Variants in ICA1 observed in about 807,000 individuals in gnomAD.
ICA1 encodes 69 kDa islet cell autoantigen.
A neutral mutation model predicts 71.0 loss-of-function variants in ICA1; 40 were observed. The observed-to-expected ratio is 0.56, with a 90% CI of 0.44 to 0.73. ICA1 has a LOEUF of 0.73. ICA1 is among the 30% of genes least tolerant of loss of function. ICA1 has a pLI of 0.00. For missense variants in ICA1, 578 were observed against 576.5 expected (o/e 1.00, Z -0.03); for synonymous variants, 207 against 209.5 (o/e 0.99, Z 0.10).
intron 6 of ICA1, among the ~76,000 whole-genome samples, chr7:8,162,276 C>T (rs1390100147): frequency 6.6e-6 from 1 of 152,176 alleles, no homozygotes; most frequent in East Asian, 1.9e-4. Flanking sequence ...AAGACAACTT[C>T]AACACTTGAC....
At chr7:8,229,314 G>A (rs1036583995) in intron 3 of ICA1, among the ~76,000 whole-genome samples, 7 of 152,160 alleles carry the variant, frequency 4.6e-5, no homozygotes, top group Admixed American at 1.3e-4. Context: ...CCATACTAGC[G>A]GAAACTGGGG....
At chr7:8,247,470 A>G (rs1806475719) in intron 1 of ICA1, among the ~76,000 whole-genome samples, 1 of 151,462 alleles carries the variant, frequency 6.6e-6, no homozygotes, top group African/African-American at 2.4e-5. Context: ...AAAAAAGAAA[A>G]GAAAAAAGAA....
chr7:8,124,708 C>A (rs1464415263), intron 13 of ICA1, among the ~76,000 whole-genome samples: 1 of 152,130 alleles, frequency 6.6e-6, no homozygotes, highest in Non-Finnish European at 1.5e-5. Flanking sequence ...TTCCTCCTAT[C>A]ATTTCAGTTC....
At chr7:8,179,811 A>C (rs925359740) in intron 6 of ICA1, among the ~76,000 whole-genome samples, 1 of 151,838 alleles carries the variant, frequency 6.6e-6, no homozygotes, top group Non-Finnish European at 1.5e-5. Context: ...GGGCTGGGAG[A>C]TATATGTATG....
At chr7:8,169,142 T>A (rs1006209150) in intron 6 of ICA1, among the ~76,000 whole-genome samples, 1 of 152,172 alleles carries the variant, frequency 6.6e-6, no homozygotes, top group Admixed American at 6.6e-5. Flanking sequence ...GTGGCTGGAT[T>A]CTTTCACTCA....
chr7:8,237,900 C>G lies in ICA1; in HGVS notation c.-79-1895G>C, dbSNP rs532421700. Among the ~76,000 whole-genome samples the G allele has an allele frequency of 2.0e-5, 3 of 152,064 alleles. No homozygotes were observed. The South Asian group carries it at 6.2e-4, about 32-fold the overall frequency. ...TGTCAATGGATATTTAGGTTGCTTT[C>G]ACATCTTGGCTATTGGGAATAATGC... On this transcript the variant is annotated intron_variant, in intron 1 of 13. Transcript: ENST00000402384.
At chr7:8,244,103 C>T (rs960450728) in intron 1 of ICA1, among the ~76,000 whole-genome samples, 12 of 152,212 alleles carry the variant, frequency 7.9e-5, no homozygotes, top group Non-Finnish European at 1.5e-4. Flanking sequence ...ATTGCCAAGA[C>T]AATCCTGGGC....
intron 6 of ICA1, among the ~76,000 whole-genome samples, chr7:8,182,518 C>T (rs1007838036): frequency 2.6e-5 from 4 of 152,146 alleles, no homozygotes; most frequent in African/African-American, 9.7e-5. Flanking sequence ...AGTCATTAAA[C>T]CAACCATTGG....
rs545601914 is a variant in ICA1 at position 8,130,958 on chromosome 7, G to C, written c.1061-2816C>G. On this transcript the variant is annotated intron_variant, in intron 12 of 13. Coordinates refer to ENST00000402384, the MANE Select transcript of ICA1 (RefSeq NM_001136020.3). This position sits in a 1 kb window ranked among gnomAD's most constrained non-coding sequence, Gnocchi z 4.2. ...CTTCTCCATGTGATCCTGGTGAGAT[G>C]CCTCTGGAAATGACTCCTTACCCTC... Among the ~76,000 whole-genome samples the C allele has an allele frequency of 4.9e-4, 75 of 152,246 alleles. No homozygotes were observed. The highest frequency in any genetic ancestry group is 1.7e-3 in the African/African-American group (71 of 41,516).
At position 8,154,893 on chromosome 7, in the gene ICA1, G is replaced by A. The variant is rs146771572; in HGVS notation, c.804+2223C>T. Among the ~76,000 whole-genome samples, 425 of 152,258 alleles carry A rather than the reference G, an allele frequency of 2.8e-3. 2 individuals carry two copies. Among genetic ancestry groups the A allele is most frequent in the African/African-American group, 9.3e-3 (387 of 41,546 alleles). ...TATCGATCTAATAGTGAGTTGTATC[G>A]TAACAGGATTCCATTATATCATATT... On this transcript the variant is annotated intron_variant, in intron 8 of 13. Coordinates refer to ENST00000402384, the MANE Select transcript of ICA1 (RefSeq NM_001136020.3).
At chr7:8,228,328 T>C (rs1213297037) in intron 4 of ICA1, among the ~76,000 whole-genome samples, 5 of 152,046 alleles carry the variant, frequency 3.3e-5, no homozygotes, top group African/African-American at 9.7e-5. Context: ...AAGCCCAAGA[T>C]ACAAACTGAG....
rs755725908 is a variant in ICA1 at position 8,228,615 on chromosome 7, T to G, written c.242A>C (p.Gln81Pro). Residue 81 changes from glutamine to proline, a missense_variant, in exon 4 of 14, where the codon CAA becomes CCA. Coordinates refer to ENST00000402384, the MANE Select transcript of ICA1 (RefSeq NM_001136020.3). ...GTCATACTTACAACATATCCTCTTT[T>G]GATAGAGTACAATTGCTTTCGATAA... ...LDLSKAIVLY[Q>P]KRICFLSQEE... 6.3e-7 allele frequency: 1 copy of G among 1,592,970 alleles called. No individual in the cohort carries two copies. Among genetic ancestry groups the G allele is most frequent in the Admixed American group, 1.7e-5 (1 of 58,234 alleles).
chr7:8,142,127 G>T, intron 9 of ICA1: 2 of 710,246 alleles, frequency 2.8e-6, no homozygotes, highest in Non-Finnish European at 2.1e-6. Flanking sequence ...AAAATTGATA[G>T]TTAAAAAAAC....
At chr7:8,177,699 G>A (rs2128249624) in intron 6 of ICA1, among the ~76,000 whole-genome samples, 1 of 152,212 alleles carries the variant, frequency 6.6e-6, no homozygotes, top group Middle Eastern at 3.4e-3. Context: ...CTTATTGATG[G>A]CCAGTCACTG....
At chr7:8,148,995 A>G (rs549845257) in intron 8 of ICA1, among the ~76,000 whole-genome samples, 272 of 152,270 alleles carry the variant, frequency 1.8e-3, no homozygotes, top group Non-Finnish European at 3.2e-3. Flanking sequence ...GAATTCTTCA[A>G]ATTATTTTGA....
At chr7:8,161,092 C>T (rs1803609178) in intron 6 of ICA1, among the ~76,000 whole-genome samples, 1 of 152,144 alleles carries the variant, frequency 6.6e-6, no homozygotes, top group African/African-American at 2.4e-5. Context: ...TCGGAGCTTT[C>T]AAGTATGTAT....
intron 6 of ICA1, among the ~76,000 whole-genome samples, chr7:8,210,575 T>C (rs1793343166): frequency 6.6e-6 from 1 of 151,602 alleles, no homozygotes; most frequent in Non-Finnish European, 1.5e-5. Context: ...TATCCATTTA[T>C]AAACGCAAAA....
Position 8,142,071 on chromosome 7 carries a change from G to C in ICA1, c.903-254C>G, listed in dbSNP as rs182704592. On this transcript the variant is annotated intron_variant, in intron 9 of 13. Coordinates refer to ENST00000402384, the MANE Select transcript of ICA1 (RefSeq NM_001136020.3). Reference sequence around the variant, plus strand: ...CTGTAAATATCTAGATGGGCAGTTAGATATAAATAAGATAGACGCATACAG... The same window carrying C: ...CTGTAAATATCTAGATGGGCAGTTACATATAAATAAGATAGACGCATACAG... The C allele has an allele frequency of 1.1e-3, 1,509 of 1,325,778 alleles. 3 individuals are homozygous for C. The highest frequency in any genetic ancestry group is 1.6e-3 in the South Asian group (125 of 79,520). 82.1% of individuals were successfully genotyped at this position (1,325,778 alleles called of 1,614,324 possible).
chr7:8,211,541 G>A (rs1232054936), intron 6 of ICA1, among the ~76,000 whole-genome samples: 1 of 3,920 alleles, frequency 2.6e-4, no homozygotes, highest in Non-Finnish European at 3.5e-4. Flanking sequence ...TGGGAGGAAT[G>A]AGTGGTTTAC....
Sources: allele counts gnomAD v4.1 joint callset (sites outside exome capture counted in the v4.1 genomes callset), GRCh38; gene constraint gnomAD v4.1.1; non-coding constraint Gnocchi (gnomAD v3.1); transcripts MANE v1.5; gene names NCBI Gene and HGNC (gene_info 2026-07-23, HGNC 2026-07-21).